Variants in ZBTB20 observed in about 807,000 individuals in gnomAD.
The protein encoded by ZBTB20 is zinc finger and BTB domain-containing protein 20.
Under a neutral mutation model 56.9 loss-of-function variants are expected in ZBTB20, and 9 were observed. The observed-to-expected ratio is 0.16, with a 90% confidence interval of 0.10 to 0.28. ZBTB20 has a LOEUF of 0.28. ZBTB20 is among the 10% of genes least tolerant of loss of function. The pLI is 1.00. For missense variants in ZBTB20, 655 were observed against 1,003.0 expected, an observed-to-expected ratio of 0.65 and a Z score of 4.69; for synonymous variants, 417 against 420.7, an observed-to-expected ratio of 0.99 and a Z score of 0.11.
intron 6 of ZBTB20, among the ~76,000 whole-genome samples, chr3:114,547,662 G>A (rs766855009): frequency 6.6e-6 from 1 of 152,090 alleles, no homozygotes; most frequent in Non-Finnish European, 1.5e-5. Context: ...ACAGATTTAG[G>A]AGTAATACCT....
intron 8 of ZBTB20, among the ~76,000 whole-genome samples, chr3:114,383,850 A>C (rs1369434466): frequency 6.6e-6 from 1 of 152,236 alleles, no homozygotes; most frequent in East Asian, 1.9e-4. Flanking sequence ...AAGCCCTGTC[A>C]TAATTAGTTG....
intron 2 of ZBTB20, among the ~76,000 whole-genome samples, chr3:115,070,906 A>C (rs1233117954): frequency 6.6e-6 from 1 of 152,076 alleles, no homozygotes; most frequent in African/African-American, 2.4e-5. Context: ...GGGAAAACTG[A>C]ATTTAAAGTT....
intron 6 of ZBTB20, among the ~76,000 whole-genome samples, chr3:114,566,014 C>T (rs2684296): frequency 0.18 from 25,689 of 143,202 alleles, 2,463 homozygotes; most frequent in South Asian, 0.28. Context: ...CTTTTTTTTT[C>T]TTTTTTTAAA....
intron 4 of ZBTB20, among the ~76,000 whole-genome samples, chr3:114,816,546 AT>A (rs1339289113): frequency 6.6e-6 from 1 of 152,200 alleles, no homozygotes. Context: ...ATTTGATAAA[AT>A]TTTAAGACTA....
chr3:114,756,737 G>C (rs1219697818), intron 5 of ZBTB20, among the ~76,000 whole-genome samples: 2 of 152,136 alleles, frequency 1.3e-5, no homozygotes, highest in African/African-American at 4.8e-5. Context: ...GATCCAGCCA[G>C]TCTCAGTCTG....
chr3:114,900,034 C>T (rs1203228036), intron 4 of ZBTB20, among the ~76,000 whole-genome samples: 2 of 152,056 alleles, frequency 1.3e-5, no homozygotes, highest in African/African-American at 2.4e-5. Context: ...AGTACAATTC[C>T]ATAAAATAAT....
intron 7 of ZBTB20, among the ~76,000 whole-genome samples, chr3:114,485,190 G>T (rs1040311664): frequency 1.3e-4 from 20 of 152,298 alleles, no homozygotes; most frequent in African/African-American, 4.8e-4. Context: ...GTGGTATGGA[G>T]AAATCTTTTT....
intron 10 of ZBTB20, among the ~76,000 whole-genome samples, chr3:114,370,667 C>G (rs1261895913): frequency 6.6e-6 from 1 of 152,202 alleles, no homozygotes; most frequent in East Asian, 1.9e-4. Flanking sequence ...GAAGTTTACT[C>G]CCATATTTAT....
intron 6 of ZBTB20, among the ~76,000 whole-genome samples, chr3:114,686,251 T>C (rs1470444365): frequency 3.3e-5 from 5 of 152,290 alleles, no homozygotes; most frequent in East Asian, 1.9e-4. Flanking sequence ...TATTCATCCC[T>C]TGTGATGGTG....
chr3:114,550,812 G>T (rs186287456), intron 6 of ZBTB20, among the ~76,000 whole-genome samples: 1 of 152,104 alleles, frequency 6.6e-6, no homozygotes, highest in Admixed American at 6.5e-5. Flanking sequence ...GTGCAGTGGC[G>T]TGATCTCTGC....
chr3:114,975,070 T>G (rs1215881055), intron 2 of ZBTB20, among the ~76,000 whole-genome samples: 1 of 152,180 alleles, frequency 6.6e-6, no homozygotes, highest in African/African-American at 2.4e-5. Context: ...CATATTTAGA[T>G]GCAAGGATGC....
chr3:115,010,252 A>C (rs1170168252), intron 2 of ZBTB20, among the ~76,000 whole-genome samples: 1 of 151,964 alleles, frequency 6.6e-6, no homozygotes, highest in South Asian at 2.1e-4. Context: ...TACTGATTGT[A>C]GAATCTCAGG....
chr3:114,654,505 GA>G (rs2060293197), intron 6 of ZBTB20, among the ~76,000 whole-genome samples: 1 of 151,562 alleles, frequency 6.6e-6, no homozygotes, highest in Admixed American at 6.6e-5. Context: ...TCAATCTTTT[GA>G]AAATGTTTGA....
intron 3 of ZBTB20, among the ~76,000 whole-genome samples, chr3:114,924,765 AAAAT>A (rs2076088398): frequency 6.6e-6 from 1 of 152,262 alleles, no homozygotes; most frequent in South Asian, 2.1e-4. Flanking sequence ...TTTTAAATAA[AAAAT>A]AAATAAAATT....
chr3:114,368,610 C>G (rs2082673671), intron 10 of ZBTB20, among the ~76,000 whole-genome samples: 1 of 152,200 alleles, frequency 6.6e-6, no homozygotes, highest in Non-Finnish European at 1.5e-5. Flanking sequence ...AATCTTTAAA[C>G]CTGTGTCCCA....
At chr3:114,946,233 G>A (rs147778976) in intron 3 of ZBTB20, among the ~76,000 whole-genome samples, 1 of 145,518 alleles carries the variant, frequency 6.9e-6, no homozygotes, top group Non-Finnish European at 1.5e-5. Flanking sequence ...TGCACATAGA[G>A]CATGCACCAA....
chr3:114,934,234 C>CTA (rs2076455449), intron 3 of ZBTB20, among the ~76,000 whole-genome samples: 1 of 152,182 alleles, frequency 6.6e-6, no homozygotes, highest in Non-Finnish European at 1.5e-5. Flanking sequence ...TTCCCCATTT[C>CTA]TAGACTCTGC....
At chr3:114,397,490 T>A (rs2086433687) in intron 7 of ZBTB20, among the ~76,000 whole-genome samples, 1 of 151,952 alleles carries the variant, frequency 6.6e-6, no homozygotes, top group Non-Finnish European at 1.5e-5. Flanking sequence ...TCTCTTTATC[T>A]TCCTTTGGTT....
At chr3:114,383,425 T>C (rs1165557889) in intron 8 of ZBTB20, among the ~76,000 whole-genome samples, 1 of 152,238 alleles carries the variant, frequency 6.6e-6, no homozygotes, top group African/African-American at 2.4e-5. Flanking sequence ...ATCAATGCCC[T>C]TGTTTCCTTC....
Sources: gnomAD v4.1 joint callset for allele counts (sites outside exome capture counted in the v4.1 genomes callset) on GRCh38, gnomAD v4.1.1 for gene constraint, MANE v1.5 for transcripts, NCBI Gene and HGNC (gene_info 2026-07-23, HGNC 2026-07-21) for gene names.